Variants in CPLANE1 observed in about 807,000 individuals in gnomAD.
CPLANE1 encodes ciliogenesis and planar polarity effector complex subunit 1, also known as ciliogenesis and planar polarity effector 1.
In CPLANE1, 263 loss-of-function variants were observed where a neutral mutation model predicts 362.5. That is an observed-to-expected ratio of 0.73 (90% CI 0.66 to 0.80). The LOEUF is 0.80. Among genes scored for constraint, CPLANE1 ranks in the 30% least tolerant of loss-of-function variants. The pLI is 0.00. For missense variants in CPLANE1, 3,461 were observed against 3,793.4 expected (o/e 0.91, Z 2.30); for synonymous variants, 1,212 against 1,302.6 (o/e 0.93, Z 1.50).
Position 37,239,275 on chromosome 5 carries a change from C to T in CPLANE1, c.835-315G>A, listed in dbSNP as rs13181187. 0.18 allele frequency among the ~76,000 whole-genome samples: 27,265 copies of T among 151,840 alleles called. 2,872 individuals are homozygous for T. The highest frequency in any genetic ancestry group is 0.34 in the East Asian group (1,763 of 5,156). ...CACAATGTCAAATTGGATTAAACACCACCAACTTAAAGAATATAAAGCAGG... is the reference window on the plus strand; with the variant it reads ...CACAATGTCAAATTGGATTAAACACTACCAACTTAAAGAATATAAAGCAGG... On this transcript the variant is annotated intron_variant, in intron 7 of 52. Transcript: ENST00000651892.
chr5:37,115,119 T>C, intron 50 of CPLANE1, 70 bp from the exon 51 acceptor site: 1 of 1,006,596 alleles, frequency 9.9e-7, no homozygotes, highest in South Asian at 1.4e-5. Flanking sequence ...TGTGAGTTAT[T>C]TGAGGACAGA....
chr5:37,233,979 T>C (rs1798323715), intron 8 of CPLANE1, among the ~76,000 whole-genome samples: 1 of 152,168 alleles, frequency 6.6e-6, no homozygotes, highest in Non-Finnish European at 1.5e-5. Flanking sequence ...CAACCCTGTG[T>C]ACTACTGAAG....
chr5:37,169,834 C>A (rs1477963515), intron 33 of CPLANE1, among the ~76,000 whole-genome samples: 2 of 151,978 alleles, frequency 1.3e-5, no homozygotes, highest in Non-Finnish European at 2.9e-5. Context: ...TCAAGCGATT[C>A]TCCTGCCTCA....
At chr5:37,235,063 T>C (rs1489529665) in intron 8 of CPLANE1, among the ~76,000 whole-genome samples, 1 of 152,132 alleles carries the variant, frequency 6.6e-6, no homozygotes, top group Non-Finnish European at 1.5e-5. Context: ...TATAATCTTA[T>C]ATCTAGAAAA....
chr5:37,114,264 G>T (rs960442035), intron 51 of CPLANE1, among the ~76,000 whole-genome samples: 1 of 152,188 alleles, frequency 6.6e-6, no homozygotes, highest in African/African-American at 2.4e-5. Flanking sequence ...TAGAGTAAGT[G>T]CTCTATACCT....
chr5:37,160,560 C>G (rs1318830284), intron 38 of CPLANE1, among the ~76,000 whole-genome samples: 2 of 149,496 alleles, frequency 1.3e-5, no homozygotes, highest in East Asian at 3.9e-4. Flanking sequence ...GAGCAAGACT[C>G]CATCTCAAAA....
chr5:37,227,098 A>G (rs1267884731), intron 11 of CPLANE1, 25 bp from the exon 12 acceptor site: 4 of 1,521,910 alleles, frequency 2.6e-6, no homozygotes, highest in Non-Finnish European at 3.5e-6. Context: ...GAAAAAAATG[A>G]TACTTAATAC....
chr5:37,144,685 A>C (rs1283501166), intron 43 of CPLANE1, among the ~76,000 whole-genome samples: 4 of 151,572 alleles, frequency 2.6e-5, no homozygotes, highest in Non-Finnish European at 4.4e-5. Flanking sequence ...CCAAGTCTCT[A>C]CTAAAAATAC....
intron 21 of CPLANE1, among the ~76,000 whole-genome samples, chr5:37,188,251 T>C (rs186611671): frequency 2.6e-5 from 4 of 152,370 alleles, no homozygotes; most frequent in African/African-American, 9.6e-5. Flanking sequence ...TGGTGTTCCA[T>C]TGTATGGAGC....
intron 52 of CPLANE1, 59 bp downstream of exon 52, chr5:37,108,234 A>G: frequency 6.7e-7 from 1 of 1,485,104 alleles, no homozygotes; most frequent in Non-Finnish European, 9.2e-7. Context: ...ACAAACAAAC[A>G]AAAAACCTGA....
Position 37,230,967 on chromosome 5 carries a change from A to G in CPLANE1, c.1021T>C (p.Leu341=), listed in dbSNP as rs887235922. 6.4e-7 allele frequency: 1 copy of G among 1,551,308 alleles called. No individual in the cohort carries two copies. Among genetic ancestry groups the G allele is most frequent in the African/African-American group, 1.4e-5 (1 of 73,170 alleles). Residue 341 remains leucine, a synonymous_variant, in exon 9 of 53, where the codon TTG becomes CTG. Coordinates refer to ENST00000651892, the MANE Select transcript of CPLANE1 (RefSeq NM_001384732.1). ...CMLKRGSLVL[L]TCQGELLTLI... is the part of the protein sequence containing the mutation. ...GTTAGCAATTCACCTTGGCAGGTCA[A>G]TAAAACCAGAGAGCCACGTTTTAAC...
chr5:37,225,532 A>C (rs1251180752), intron 12 of CPLANE1, among the ~76,000 whole-genome samples: 1 of 152,044 alleles, frequency 6.6e-6, no homozygotes, highest in Non-Finnish European at 1.5e-5. Context: ...CGCCCAGCCT[A>C]ATTTTTTAAA....
chr5:37,095,917 G>A, the CPLANE1 span, among the ~76,000 whole-genome samples: 2 of 152,130 alleles, frequency 1.3e-5, no homozygotes, highest in Non-Finnish European at 2.9e-5. Context: ...AATGCTGAAG[G>A]AAATCATAGA....
At chr5:37,193,662 A>G (rs952187536) in intron 21 of CPLANE1, among the ~76,000 whole-genome samples, 2 of 152,182 alleles carry the variant, frequency 1.3e-5, no homozygotes, top group Non-Finnish European at 1.5e-5. Flanking sequence ...CTCAAAAATA[A>G]ATAAATAAAT....
Position 37,245,574 on chromosome 5 carries a change from G to C in CPLANE1, c.242C>G (p.Thr81Ser). The change falls in exon 4 of 53, where the codon ACT (threonine) becomes AGT (serine). Residue 81 changes from threonine to serine, a missense_variant. Around this residue, in one of 2 missense-constraint regions of CPLANE1, gnomAD observed 3,380 missense variants for 3,666.1 expected, o/e 0.92. Coordinates refer to ENST00000651892, the MANE Select transcript of CPLANE1 (RefSeq NM_001384732.1). ...SNDAWLAGVL[T>S]TGELFLWNKD... is the part of the protein sequence containing the mutation. Reference sequence around the variant, plus strand: ...GTTCCAAAGGAAAAGCTCTCCTGTAGTTAGTACCCCAGCCAGCCAGGCATC... The same window carrying C: ...GTTCCAAAGGAAAAGCTCTCCTGTACTTAGTACCCCAGCCAGCCAGGCATC... The C allele has an allele frequency of 6.6e-7, 1 of 1,522,650 alleles. No individual in the cohort carries two copies. The highest frequency in any genetic ancestry group is 8.8e-7 in the Non-Finnish European group (1 of 1,134,888). The allele number at this position is 1,522,650 out of a possible 1,614,324, so 94.3% of individuals were successfully genotyped here.
At chr5:37,142,536 A>G (rs772474566) in intron 43 of CPLANE1, 56 bp from the exon 44 acceptor site, 1 of 1,201,506 alleles carries the variant, frequency 8.3e-7, no homozygotes, top group Non-Finnish European at 1.1e-6. Flanking sequence ...AAAAGATCAC[A>G]TGGAAAAGAC....
chr5:37,085,339 G>A, the CPLANE1 span: 5 of 1,335,656 alleles, frequency 3.7e-6, no homozygotes, highest in East Asian at 9.2e-5. Flanking sequence ...GACAAGACGG[G>A]AGATAATTTC....
rs1790441800 is a variant in CPLANE1, at chr5:37,205,473, A to C, written c.3150-19T>G. On this transcript the variant is annotated intron_variant, in intron 17 of 52. Transcript: ENST00000651892. ...CTTGGACCTGAAATGACATCAAATT[A>C]AGGGAAATGAATCCAAATTTTGAAA... 1 of 1,468,978 alleles carries C rather than the reference A, an allele frequency of 6.8e-7. No homozygotes were observed. Among genetic ancestry groups the C allele is most frequent in the Non-Finnish European group, 9.0e-7 (1 of 1,105,308 alleles). 91.0% of individuals were successfully genotyped at this position (1,468,978 alleles called of 1,614,324 possible).
intron 46 of CPLANE1, among the ~76,000 whole-genome samples, chr5:37,134,268 G>A (rs1374696439): frequency 6.6e-6 from 1 of 152,064 alleles, no homozygotes; most frequent in Non-Finnish European, 1.5e-5. Flanking sequence ...CATCTGGTCT[G>A]GGGCTTTTAT....
Sources: gnomAD v4.1 joint callset for allele counts (sites outside exome capture counted in the v4.1 genomes callset) on GRCh38, gnomAD v4.1.1 for gene constraint, gnomAD v4.1.1 regional missense constraint, MANE v1.5 for transcripts, NCBI Gene and HGNC (gene_info 2026-07-23, HGNC 2026-07-21) for gene names.